Variants in ANK2 observed in about 807,000 individuals in gnomAD.
ANK2 encodes the protein ankyrin 2.
A neutral mutation model predicts 360.5 loss-of-function variants in ANK2; 83 were observed. The observed-to-expected ratio is 0.23, with a 90% CI of 0.19 to 0.28. The LOEUF is 0.28. Ranked by LOEUF, ANK2 falls within the 10% of genes least tolerant of loss-of-function variation. The pLI, the probability that ANK2 is intolerant of heterozygous loss-of-function variation, is 1.00. For synonymous variants in ANK2, 1,740 were observed against 1,759.5 expected, an observed-to-expected ratio of 0.99 and a Z score of 0.28; for missense variants, 4,201 against 4,795.7, an observed-to-expected ratio of 0.88 and a Z score of 3.66.
At chr4:113,020,474 C>T (rs2057758824) in intron 2 of ANK2, among the ~76,000 whole-genome samples, 1 of 152,098 alleles carries the variant, frequency 6.6e-6, no homozygotes, top group South Asian at 2.1e-4. Context: ...GGTTTATAGG[C>T]GTGAGCTATG....
intron 2 of ANK2, among the ~76,000 whole-genome samples, chr4:112,999,883 A>G (rs114142181): frequency 0.025 from 3,739 of 152,322 alleles, 139 homozygotes; most frequent in African/African-American, 0.083. Flanking sequence ...GATTTGTTCA[A>G]TAATGTGTAG....
Position 113,339,253 on chromosome 4 carries a change from A to C in ANK2, c.3824A>C (p.Asp1275Ala). ...GGAACCACCCCTGCCCAGTGGGAAG[A>C]TATTACAGGAACTACGCCATTAACA... ...TGGTTPAQWE[D>A]ITGTTPLTFV... is the part of the protein sequence containing the mutation. Residue 1275 changes from aspartate to alanine, a missense_variant, in exon 32 of 46, where the codon GAT becomes GCT. Physicochemically the swap from Asp to Ala is moderately radical, Grantham distance 126. Transcript: ENST00000357077. 6.2e-7 allele frequency: 1 copy of C among 1,613,962 alleles called. No individual in the cohort carries two copies. The highest frequency in any genetic ancestry group is 8.5e-7 in the Non-Finnish European group (1 of 1,179,968).
the ANK2 span, among the ~76,000 whole-genome samples, chr4:112,744,543 T>G: frequency 6.6e-6 from 1 of 151,804 alleles, no homozygotes; most frequent in Non-Finnish European, 1.5e-5. Flanking sequence ...AAAGATGGGG[T>G]TTTACGATGT....
At chr4:113,089,778 C>T (rs992744960) in intron 1 of ANK2, among the ~76,000 whole-genome samples, 16 of 151,952 alleles carry the variant, frequency 1.1e-4, no homozygotes, top group African/African-American at 3.6e-4. Flanking sequence ...GAGCCGAGAT[C>T]GCACCACTGC....
the ANK2 span, among the ~76,000 whole-genome samples, chr4:112,770,330 C>T: frequency 2.0e-5 from 3 of 152,198 alleles, no homozygotes; most frequent in Non-Finnish European, 2.9e-5. Flanking sequence ...TGTGGACAGG[C>T]GTGAGCCACT....
rs964283933 is a variant in ANK2, at chr4:113,282,643, A to G, written c.1882-32A>G. The G allele has an allele frequency of 3.9e-6, 6 of 1,520,922 alleles. No individual in the cohort carries two copies. The African/African-American group carries it at 5.5e-5, about 14-fold the overall frequency. 94.2% of individuals were successfully genotyped at this position (1,520,922 alleles called of 1,614,324 possible). On this transcript the variant is annotated intron_variant, in intron 17 of 45. Coordinates refer to ENST00000357077, the MANE Select transcript of ANK2 (RefSeq NM_001148.6). ...TTAGAGCAATTGTTAATCTTACTCT[A>G]TATGCATGTGTTTTATTTTTGTTCT...
rs940998367 is a variant in ANK2 at position 113,340,873 on chromosome 4, CA to C, written c.3894-807del. Among the ~76,000 whole-genome samples the C allele has an allele frequency of 1.6e-4, 23 of 146,878 alleles. 1 individual carries two copies. The highest frequency in any genetic ancestry group is 3.0e-5 in the Non-Finnish European group (2 of 66,616). ...CAAAAAAAAAAAAAAGAAAAACAAA[CA>C]AAAAAAACAAACCCTTTGGAAGTAT... On this transcript the variant is annotated intron_variant, in intron 32 of 45. Coordinates refer to ENST00000357077, the MANE Select transcript of ANK2 (RefSeq NM_001148.6).
intron 4 of ANK2, among the ~76,000 whole-genome samples, chr4:113,203,746 G>A (rs184346505): frequency 6.6e-6 from 1 of 152,136 alleles, no homozygotes. Context: ...CATTATTGAT[G>A]ACAAATTGAG....
At chr4:113,098,822 T>G (rs2092229516) in intron 1 of ANK2, among the ~76,000 whole-genome samples, 1 of 151,984 alleles carries the variant, frequency 6.6e-6, no homozygotes, top group Non-Finnish European at 1.5e-5. Flanking sequence ...TGAGATTTAT[T>G]CTGTGTATAC....
chr4:113,240,462 C>T (rs780276854), intron 7 of ANK2, 23 bp from the exon 8 acceptor site: 19 of 1,567,562 alleles, frequency 1.2e-5, no homozygotes, highest in Non-Finnish European at 1.6e-5. Context: ...GCTATACTGA[C>T]TGTCATATCT....
At chr4:112,921,233 C>A (rs1164240989) in intron 2 of ANK2, among the ~76,000 whole-genome samples, 4 of 151,830 alleles carry the variant, frequency 2.6e-5, no homozygotes, top group Non-Finnish European at 5.9e-5. Flanking sequence ...CCATGTTACC[C>A]AGGCTGGTCT....
chr4:112,999,948 C>T (rs1376697273), intron 2 of ANK2, among the ~76,000 whole-genome samples: 2 of 152,042 alleles, frequency 1.3e-5, no homozygotes, highest in Admixed American at 6.6e-5. Context: ...CCTCTATGCT[C>T]CTAAGTTCAG....
chr4:113,270,498 CATT>C (rs1563307247), intron 14 of ANK2, among the ~76,000 whole-genome samples: 1 of 152,124 alleles, frequency 6.6e-6, no homozygotes, highest in Non-Finnish European at 1.5e-5. Context: ...CATTTAGTAT[CATT>C]AATACATATA....
intron 2 of ANK2, among the ~76,000 whole-genome samples, chr4:112,962,406 G>C (rs1346271656): frequency 1.3e-5 from 2 of 152,076 alleles, no homozygotes; most frequent in Non-Finnish European, 2.9e-5. Flanking sequence ...AGTATTCCAT[G>C]GTGTATATGT....
the ANK2 span, among the ~76,000 whole-genome samples, chr4:112,810,506 T>C: frequency 2.5e-4 from 38 of 152,290 alleles, no homozygotes; most frequent in East Asian, 6.4e-3. Flanking sequence ...CTATGGCTCA[T>C]ATTTCTCTGT....
At chr4:113,126,248 G>T (rs2095653665) in intron 1 of ANK2, among the ~76,000 whole-genome samples, 1 of 152,188 alleles carries the variant, frequency 6.6e-6, no homozygotes, top group South Asian at 2.1e-4. Flanking sequence ...TGGCAGTAAT[G>T]ATAGCTGCCT....
chr4:112,747,211 CT>C, the ANK2 span, among the ~76,000 whole-genome samples: 1 of 152,148 alleles, frequency 6.6e-6, no homozygotes, highest in East Asian at 1.9e-4. Flanking sequence ...TCTTTTGTGT[CT>C]TTGAAACCAG....
chr4:112,866,634 GTTAA>G (rs1014404219), intron 1 of ANK2, among the ~76,000 whole-genome samples: 8 of 151,952 alleles, frequency 5.3e-5, no homozygotes, highest in East Asian at 3.9e-4. Context: ...GAAATGAAAA[GTTAA>G]TTAATCAATG....
chr4:113,330,912 A>C (rs2092281828), intron 27 of ANK2, among the ~76,000 whole-genome samples: 1 of 152,218 alleles, frequency 6.6e-6, no homozygotes, highest in South Asian at 2.1e-4. Flanking sequence ...CAGAATACCT[A>C]CAAATTTAAT....
Sources: gnomAD v4.1 joint callset for allele counts (sites outside exome capture counted in the v4.1 genomes callset) on GRCh38, gnomAD v4.1.1 for gene constraint, MANE v1.5 for transcripts, NCBI Gene and HGNC (gene_info 2026-07-23, HGNC 2026-07-21) for gene names.